Variants in CPSF4L observed in about 807,000 individuals in gnomAD.
CPSF4L encodes the protein putative cleavage and polyadenylation specificity factor subunit 4-like protein.
CPSF4L carries 18 observed loss-of-function variants against 24.0 expected under a neutral mutation model. That is an observed-to-expected ratio of 0.75 (90% CI 0.52 to 1.11). CPSF4L has a LOEUF of 1.11. Ranked by LOEUF, CPSF4L falls within the 50% of genes least tolerant of loss-of-function variation. The pLI, the probability that CPSF4L is intolerant of heterozygous loss-of-function variation, is 0.00. For synonymous variants in CPSF4L, 72 were observed against 77.2 expected (o/e 0.93, Z 0.35); for missense variants, 211 against 221.8 (o/e 0.95, Z 0.31).
chr17:73,250,385 A>C, intron 5 of CPSF4L: 4 of 1,488,920 alleles, frequency 2.7e-6, no homozygotes, highest in Non-Finnish European at 3.7e-6. Flanking sequence ...GGAGATGGTT[A>C]GCTACCTTTG....
chr17:73,248,597 C>T, intron 5 of CPSF4L, 61 bp from the exon 6 acceptor site: 1 of 1,510,618 alleles, frequency 6.6e-7, no homozygotes, highest in Non-Finnish European at 9.0e-7. Context: ...TTCACCTTCC[C>T]ATCCATCCCG....
At chr17:73,249,648 C>T (rs759948656) in intron 5 of CPSF4L, 1 of 152,216 alleles carries the variant, frequency 6.6e-6, no homozygotes. Flanking sequence ...GCCACTACCC[C>T]CCCTTTCCCA....
At chr17:73,257,908 C>T in intron 2 of CPSF4L, 75 bp from the exon 3 acceptor site, 1 of 1,481,244 alleles carries the variant, frequency 6.8e-7, no homozygotes, top group Non-Finnish European at 9.1e-7. Flanking sequence ...CCAGGGGATT[C>T]CCCAGGAGGG....
intron 3 of CPSF4L, 42 bp from the exon 4 acceptor site, chr17:73,254,068 T>C (rs1046330935): frequency 6.9e-7 from 1 of 1,455,554 alleles, no homozygotes; most frequent in African/African-American, 1.4e-5. Flanking sequence ...TTTCTCTTTG[T>C]GATCACTTCT....
downstream of CPSF4L, chr17:73,245,187 G>A: frequency 1.2e-6 from 2 of 1,610,332 alleles, no homozygotes; most frequent in African/African-American, 1.3e-5. Flanking sequence ...GGTGGCGTAA[G>A]TAGTGTTGAC....
chr17:73,244,557 C>T (rs1448511365), downstream of CPSF4L: 2 of 40,452 alleles, frequency 4.9e-5, no homozygotes, highest in East Asian at 1.3e-3. Context: ...GAAACTGCAT[C>T]TCAAAAAAAA....
downstream of CPSF4L, chr17:73,245,512 T>C (rs1010659787): frequency 6.1e-6 from 6 of 985,270 alleles, no homozygotes; most frequent in Admixed American, 3.1e-4. Context: ...TCACTAAAAT[T>C]AAGAAGTCAC....
At chr17:73,247,601 T>C, downstream of CPSF4L, 1 of 404,220 alleles carries the variant, frequency 2.5e-6, no homozygotes. Flanking sequence ...AAATAAGTTA[T>C]TTAATGAGAA....
chr17:73,251,736 C>T (rs917316764), intron 5 of CPSF4L, among the ~76,000 whole-genome samples: 1 of 152,256 alleles, frequency 6.6e-6, no homozygotes, highest in Non-Finnish European at 1.5e-5. Context: ...TGTACAAAGA[C>T]AGGCAGCAGG....
intron 3 of CPSF4L, among the ~76,000 whole-genome samples, chr17:73,257,153 A>C (rs549901963): frequency 6.6e-6 from 1 of 152,342 alleles, no homozygotes; most frequent in East Asian, 1.9e-4. Context: ...TCATGGATTT[A>C]TGTTTACAAT....
At chr17:73,243,076 AAT>A in the CPSF4L span, 1 of 218,664 alleles carries the variant, frequency 4.6e-6, no homozygotes, top group South Asian at 4.9e-5. Flanking sequence ...GGATTCTCTG[AAT>A]TTTTTTTTTT....
At chr17:73,258,861 T>C (rs2062033943) in intron 2 of CPSF4L, among the ~76,000 whole-genome samples, 1 of 152,236 alleles carries the variant, frequency 6.6e-6, no homozygotes, top group Non-Finnish European at 1.5e-5. Context: ...AATTCCCATC[T>C]TTAAAAACAT....
chr17:73,261,612 G>C, intron 1 of CPSF4L, 104 bp downstream of exon 1: 2 of 796,998 alleles, frequency 2.5e-6, no homozygotes, highest in South Asian at 3.1e-5. Context: ...AATGAGCCGA[G>C]ATTGTGCCAC....
At chr17:73,254,330 G>A (rs2062016308) in intron 3 of CPSF4L, among the ~76,000 whole-genome samples, 1 of 152,258 alleles carries the variant, frequency 6.6e-6, no homozygotes, top group Admixed American at 6.5e-5. Context: ...GCAGGAACAA[G>A]GAGAGCCGAG....
At position 73,261,764 on chromosome 17, in the gene CPSF4L, C is replaced by T. The variant is rs1327846125; in HGVS notation, c.55G>A (p.Val19Ile). ...ERFTFAFEKD[V>I]EMQKGTGLLP... ...AGCCCAGTGCCCTTCTGCATCTCGA[C>T]ATCCTTCTCGAAGGCAAAGGTGAAC... The change falls in exon 1 of 6, where the codon GTC (valine) becomes ATC (isoleucine). Residue 19 changes from valine (V) to isoleucine (I), a missense_variant. By Grantham distance (29) the Val-to-Ile change is conservative. Transcript: ENST00000344935. The T allele has an allele frequency of 4.5e-6, 7 of 1,551,728 alleles. 1 individual carries two copies. Among genetic ancestry groups the T allele is most frequent in the African/African-American group, 2.7e-5 (2 of 73,078 alleles).
At chr17:73,261,558 GGCT>G (rs2062046202) in intron 1 of CPSF4L, among the ~76,000 whole-genome samples, 155 bp downstream of exon 1, 1 of 152,240 alleles carries the variant, frequency 6.6e-6, no homozygotes, top group South Asian at 2.1e-4. Flanking sequence ...CTCCTCGGGA[GGCT>G]GAGGCAGGAG....
chr17:73,253,742 AGCCT>A (rs2062014009), intron 4 of CPSF4L, among the ~76,000 whole-genome samples, 185 bp downstream of exon 4: 1 of 152,238 alleles, frequency 6.6e-6, no homozygotes, highest in Non-Finnish European at 1.5e-5. Flanking sequence ...GTCTGCCTCA[AGCCT>A]GTTATGGCCC....
intron 3 of CPSF4L, 52 bp downstream of exon 3, chr17:73,257,629 G>A: frequency 6.5e-7 from 1 of 1,538,346 alleles, no homozygotes; most frequent in Admixed American, 2.0e-5. Context: ...CCATCTCACA[G>A]CCCACACTGC....
chr17:73,244,760 G>A (rs1354988231), downstream of CPSF4L: 1 of 158,794 alleles, frequency 6.3e-6, no homozygotes, highest in African/African-American at 2.4e-5. Context: ...TGAAATCAGT[G>A]CCTAGTGAGT....
Sources: gnomAD v4.1 joint callset for allele counts (sites outside exome capture counted in the v4.1 genomes callset) on GRCh38, gnomAD v4.1.1 for gene constraint, MANE v1.5 for transcripts, NCBI Gene and HGNC (gene_info 2026-07-23, HGNC 2026-07-21) for gene names.